The following RNF11 variants were observed in gnomAD, a reference collection of about 807,000 sequenced individuals.
RNF11 encodes ring finger protein 11.
RNF11 carries 4 observed loss-of-function variants against 15.8 expected under a neutral mutation model. The observed-to-expected ratio is 0.25, with a 90% confidence interval of 0.12 to 0.58. The LOEUF is 0.58. Among genes scored for constraint, RNF11 ranks in the 20% least tolerant of loss-of-function variants. RNF11 has a pLI of 0.91. For synonymous variants in RNF11, 68 were observed against 72.3 expected (o/e 0.94, Z 0.30); for missense variants, 139 against 194.4 (o/e 0.71, Z 1.70).
At chr1:51,239,870 A>G (rs1646820812) in intron 1 of RNF11, among the ~76,000 whole-genome samples, 2 of 152,234 alleles carry the variant, frequency 1.3e-5, no homozygotes, top group South Asian at 4.1e-4. Context: ...ACATATAATG[A>G]CAAGAGCCAG....
chr1:51,251,519 CTT>C (rs1646878424), intron 1 of RNF11: 1 of 579,938 alleles, frequency 1.7e-6, no homozygotes, highest in Non-Finnish European at 3.0e-6. Context: ...TTTGAATAAA[CTT>C]AGGTGATTCT....
intron 1 of RNF11, among the ~76,000 whole-genome samples, chr1:51,256,900 CT>C (rs1646906397): frequency 6.6e-6 from 1 of 152,292 alleles, no homozygotes; most frequent in African/African-American, 2.4e-5. Context: ...TTTCAAACTC[CT>C]GACCTCAGGT....
chr1:51,270,482 A>C (rs1183614430), intron 2 of RNF11, among the ~76,000 whole-genome samples: 2 of 152,048 alleles, frequency 1.3e-5, no homozygotes, highest in African/African-American at 4.8e-5. Flanking sequence ...GCATGGTGGC[A>C]CGCGCCTGTA....
At chr1:51,263,451 T>G (rs976170619) in intron 1 of RNF11, among the ~76,000 whole-genome samples, 12 of 151,504 alleles carry the variant, frequency 7.9e-5, no homozygotes, top group African/African-American at 2.9e-4. Context: ...CTTCACAGGG[T>G]TGTGTGTGTG....
At chr1:51,238,364 A>G (rs1222794590) in intron 1 of RNF11, among the ~76,000 whole-genome samples, 1 of 152,124 alleles carries the variant, frequency 6.6e-6, no homozygotes, top group Non-Finnish European at 1.5e-5. Context: ...CTTCAGTGCA[A>G]GCTGCGTGAA....
chr1:51,255,623 G>T (rs1466159371), intron 1 of RNF11, among the ~76,000 whole-genome samples: 1 of 152,200 alleles, frequency 6.6e-6, no homozygotes, highest in African/African-American at 2.4e-5. Context: ...AAACCAGTTT[G>T]TCTATTTTTT....
intron 1 of RNF11, among the ~76,000 whole-genome samples, chr1:51,256,798 C>T (rs1197207043): frequency 8.5e-5 from 13 of 152,240 alleles, no homozygotes; most frequent in Middle Eastern, 3.4e-3. Context: ...CTTAGCCTCC[C>T]GAGTAGCTTG....
chr1:51,257,624 AT>A (rs1342060713), intron 1 of RNF11, among the ~76,000 whole-genome samples: 1 of 151,660 alleles, frequency 6.6e-6, no homozygotes, highest in Non-Finnish European at 1.5e-5. Context: ...TGCCCGACTA[AT>A]TTTTGTATTT....
In RNF11 at chr1:51,269,945, T is replaced by C; in HGVS notation, c.124-11T>C. 6.2e-7 allele frequency: 1 copy of C among 1,605,968 alleles called. No individual in the cohort carries two copies. The highest frequency in any genetic ancestry group is 8.5e-7 in the Non-Finnish European group (1 of 1,176,124). ...AAAATAATCTTTTTCCTCTATATTT[T>C]AATATTTTAGGAACAAGTTCCAGTT... is the stretch of plus-strand genomic sequence containing the variant. On this transcript the variant is annotated splice_polypyrimidine_tract_variant and intron_variant, in intron 1 of 2. Coordinates refer to ENST00000242719, the MANE Select transcript of RNF11 (RefSeq NM_014372.5).
At chr1:51,254,794 C>T (rs1019970064) in intron 1 of RNF11, among the ~76,000 whole-genome samples, 5 of 152,092 alleles carry the variant, frequency 3.3e-5, no homozygotes, top group African/African-American at 4.8e-5. Context: ...GGCAGAGTTT[C>T]GCCACATTGG....
intron 1 of RNF11, among the ~76,000 whole-genome samples, chr1:51,243,268 A>G (rs1261099865): frequency 6.6e-6 from 1 of 152,204 alleles, no homozygotes; most frequent in East Asian, 1.9e-4. Context: ...ATGATAGACT[A>G]AATTAGAACT....
intron 1 of RNF11, among the ~76,000 whole-genome samples, chr1:51,247,561 A>T (rs1423049271): frequency 6.6e-6 from 1 of 151,926 alleles, no homozygotes; most frequent in Non-Finnish European, 1.5e-5. Context: ...GAAGTGCTGG[A>T]ATAACAGGCA....
intron 1 of RNF11, among the ~76,000 whole-genome samples, chr1:51,248,075 A>T (rs1569659751): frequency 1.4e-5 from 2 of 147,428 alleles, no homozygotes; most frequent in Non-Finnish European, 3.0e-5. Context: ...AAGAAATACC[A>T]TGCTTGATAC....
chr1:51,250,549 AT>A (rs879557315), intron 1 of RNF11: 26,812 of 414,484 alleles, frequency 0.065, no homozygotes, highest in Middle Eastern at 0.088. Flanking sequence ...ATTTGTGACA[AT>A]TTTTTTTTTT....
At chr1:51,271,083 T>TCCCA in intron 2 of RNF11, 68 bp from the exon 3 acceptor site, 1 of 1,292,292 alleles carries the variant, frequency 7.7e-7, no homozygotes, top group Non-Finnish European at 1.1e-6. Context: ...TTTAATGGGA[T>TCCCA]TTAAAGAGTT....
At chr1:51,257,655 G>A (rs931545761) in intron 1 of RNF11, among the ~76,000 whole-genome samples, 5 of 150,828 alleles carry the variant, frequency 3.3e-5, no homozygotes, top group Non-Finnish European at 7.4e-5. Flanking sequence ...ATGGGGTTTC[G>A]CCACATTGCC....
intron 1 of RNF11, among the ~76,000 whole-genome samples, chr1:51,262,926 A>G (rs1428413967): frequency 1.3e-5 from 2 of 152,100 alleles, no homozygotes; most frequent in Admixed American, 6.6e-5. Flanking sequence ...CAAAATCACA[A>G]TGAGATATCA....
chr1:51,248,069 A>C (rs1646860295), intron 1 of RNF11, among the ~76,000 whole-genome samples: 1 of 151,324 alleles, frequency 6.6e-6, no homozygotes, highest in Non-Finnish European at 1.5e-5. Flanking sequence ...AAGGGTAAGA[A>C]ATACCATGCT....
intron 1 of RNF11, among the ~76,000 whole-genome samples, chr1:51,258,125 A>G (rs1440176638): frequency 6.6e-6 from 1 of 152,100 alleles, no homozygotes; most frequent in Non-Finnish European, 1.5e-5. Flanking sequence ...AAGTGCTGGG[A>G]TTACGGGTGT....
Sources: allele counts gnomAD v4.1 joint callset (sites outside exome capture counted in the v4.1 genomes callset), GRCh38; gene constraint gnomAD v4.1.1; transcripts MANE v1.5; gene names NCBI Gene and HGNC (gene_info 2026-07-23, HGNC 2026-07-21).